Variants in LRRTM4 observed in about 807,000 individuals in gnomAD.
The protein encoded by LRRTM4 is leucine rich repeat transmembrane neuronal 4, also known as leucine-rich repeat transmembrane neuronal protein 4.
Under a neutral mutation model 47.6 loss-of-function variants are expected in LRRTM4, and 25 were observed. That is an observed-to-expected ratio of 0.53 (90% CI 0.38 to 0.73). The LOEUF (loss-of-function observed/expected upper bound fraction) is 0.73, where lower values mean the gene tolerates loss of function less well. LRRTM4 is among the 30% of genes least tolerant of loss of function. The pLI, the probability that LRRTM4 is intolerant of heterozygous loss-of-function variation, is 0.00. For missense variants in LRRTM4, 638 were observed against 713.4 expected, an observed-to-expected ratio of 0.89 and a Z score of 1.20; for synonymous variants, 311 against 269.5, an observed-to-expected ratio of 1.15 and a Z score of -1.51.
intron 3 of LRRTM4, among the ~76,000 whole-genome samples, chr2:77,405,945 AG>A (rs1558727821): frequency 6.6e-6 from 1 of 152,184 alleles, no homozygotes; most frequent in Non-Finnish European, 1.5e-5. Context: ...TGAGCTTCTT[AG>A]GAACAGAACT....
chr2:76,952,169 G>C (rs1035533833), intron 3 of LRRTM4, among the ~76,000 whole-genome samples: 5 of 151,840 alleles, frequency 3.3e-5, no homozygotes, highest in African/African-American at 1.2e-4. Context: ...GGGTTTTCTA[G>C]GTATAGGATC....
chr2:76,948,759 T>C (rs1341048267), intron 3 of LRRTM4, among the ~76,000 whole-genome samples: 1 of 151,896 alleles, frequency 6.6e-6, no homozygotes, highest in Non-Finnish European at 1.5e-5. Flanking sequence ...TAAGGACTCA[T>C]TGAATAGTTT....
At chr2:76,813,553 G>A (rs1423276100) in intron 3 of LRRTM4, among the ~76,000 whole-genome samples, 1 of 151,928 alleles carries the variant, frequency 6.6e-6, no homozygotes, top group Non-Finnish European at 1.5e-5. Context: ...TATAATTTAT[G>A]TATTTTAGGT....
In LRRTM4 at chr2:76,796,058, T is replaced by C. The variant is rs766003807; in HGVS notation, c.1552-47142A>G. ...TGAGTCAAAGAAAGGGGTGATGTAC[T>C]GCACCTGGAAAATCGGGTCACTCCC... is the stretch of plus-strand genomic sequence containing the variant. On this transcript the variant is annotated intron_variant, in intron 3 of 3. Coordinates refer to ENST00000409884, the MANE Select transcript of LRRTM4 (RefSeq NM_001134745.3). Among the ~76,000 whole-genome samples, 39 of 88,730 alleles carry C rather than the reference T, an allele frequency of 4.4e-4. 5 individuals are homozygous for C. The highest frequency in any genetic ancestry group is 1.4e-3 in the East Asian group (2 of 1,468). 58.2% of individuals were successfully genotyped at this position (88,730 alleles called of 152,430 possible). A position where few individuals can be genotyped will look rare whatever the true frequency, so the allele number is the denominator to read the frequency against.
chr2:77,205,101 C>G (rs750080004), intron 3 of LRRTM4, among the ~76,000 whole-genome samples: 1 of 152,088 alleles, frequency 6.6e-6, no homozygotes, highest in African/African-American at 2.4e-5. Flanking sequence ...TTTCCAGTGC[C>G]GGAAGAAGGC....
intron 3 of LRRTM4, among the ~76,000 whole-genome samples, chr2:77,255,999 T>C (rs1675754702): frequency 1.3e-5 from 2 of 151,976 alleles, no homozygotes; most frequent in Admixed American, 1.3e-4. Flanking sequence ...TTGAGAAAAC[T>C]GATAAAATTG....
At chr2:77,224,971 C>T (rs1187471871) in intron 3 of LRRTM4, among the ~76,000 whole-genome samples, 7 of 151,918 alleles carry the variant, frequency 4.6e-5, no homozygotes, top group Non-Finnish European at 7.4e-5. Context: ...AGCCAAATGT[C>T]CAACAATGAT....
chr2:77,029,168 G>T (rs1048605681), intron 3 of LRRTM4, among the ~76,000 whole-genome samples: 1 of 151,122 alleles, frequency 6.6e-6, no homozygotes, highest in Non-Finnish European at 1.5e-5. Flanking sequence ...GATAACGTTA[G>T]TATTTAGAGG....
intron 3 of LRRTM4, among the ~76,000 whole-genome samples, chr2:77,016,128 C>T (rs1678060070): frequency 1.3e-5 from 2 of 151,898 alleles, no homozygotes; most frequent in South Asian, 4.1e-4. Flanking sequence ...TGGCTCATGC[C>T]TATAATCCCA....
chr2:76,862,209 C>A (rs573633921), intron 3 of LRRTM4, among the ~76,000 whole-genome samples: 1 of 152,038 alleles, frequency 6.6e-6, no homozygotes. Context: ...TGTTTGATAT[C>A]ATTTGATTTC....
At chr2:76,969,758 T>C (rs547005245) in intron 3 of LRRTM4, among the ~76,000 whole-genome samples, 1 of 152,142 alleles carries the variant, frequency 6.6e-6, no homozygotes, top group South Asian at 2.1e-4. Flanking sequence ...TATCACGTAC[T>C]ATTTGCCTCT....
At chr2:76,946,940 GA>G (rs1459639048) in intron 3 of LRRTM4, among the ~76,000 whole-genome samples, 3 of 151,868 alleles carry the variant, frequency 2.0e-5, no homozygotes, top group Non-Finnish European at 2.9e-5. Flanking sequence ...ACAGAAGGAA[GA>G]AAGGCCAAGT....
chr2:77,443,308 A>C (rs191471363), intron 3 of LRRTM4, among the ~76,000 whole-genome samples: 22 of 152,264 alleles, frequency 1.4e-4, no homozygotes, highest in Middle Eastern at 3.4e-3. Flanking sequence ...CAGGGATTGG[A>C]AGGATGTCAG....
intron 3 of LRRTM4, among the ~76,000 whole-genome samples, chr2:77,152,353 G>C (rs1672452008): frequency 6.6e-6 from 1 of 151,942 alleles, no homozygotes; most frequent in Non-Finnish European, 1.5e-5. Flanking sequence ...TTTTCAGATG[G>C]AGTCTCGCTG....
At chr2:77,103,512 A>G (rs1308643923) in intron 3 of LRRTM4, among the ~76,000 whole-genome samples, 2 of 152,068 alleles carry the variant, frequency 1.3e-5, no homozygotes, top group African/African-American at 2.4e-5. Flanking sequence ...TGGCAGATGA[A>G]AAAAAGCGGA....
intron 3 of LRRTM4, among the ~76,000 whole-genome samples, chr2:77,022,754 C>T (rs1374592309): frequency 6.6e-6 from 1 of 152,204 alleles, no homozygotes; most frequent in African/African-American, 2.4e-5. Context: ...TCTTGGGCAG[C>T]TCTGCCCCTG....
chr2:77,491,955 A>T (rs1678182963), intron 3 of LRRTM4, among the ~76,000 whole-genome samples: 1 of 151,976 alleles, frequency 6.6e-6, no homozygotes, highest in South Asian at 2.1e-4. Flanking sequence ...CGTAGAACAA[A>T]GGAAACGAAA....
At chr2:76,932,126 G>C (rs1674789457) in intron 3 of LRRTM4, among the ~76,000 whole-genome samples, 1 of 151,964 alleles carries the variant, frequency 6.6e-6, no homozygotes, top group South Asian at 2.1e-4. Flanking sequence ...ATTGTTTATT[G>C]GATGAGGCTG....
chr2:77,379,791 C>T (rs1672983446), intron 3 of LRRTM4, among the ~76,000 whole-genome samples: 1 of 152,036 alleles, frequency 6.6e-6, no homozygotes, highest in Admixed American at 6.6e-5. Context: ...TTTTTCTCAA[C>T]AAGTTAAAAA....
Sources: gnomAD v4.1 joint callset for allele counts (sites outside exome capture counted in the v4.1 genomes callset) on GRCh38, gnomAD v4.1.1 for gene constraint, MANE v1.5 for transcripts, NCBI Gene and HGNC (gene_info 2026-07-23, HGNC 2026-07-21) for gene names.